WWC2: variants seen among roughly 807,000 people sequenced by gnomAD.
WWC2 encodes the protein protein WWC2.
WWC2 carries 101 observed loss-of-function variants against 138.5 expected under a neutral mutation model. The ratio of observed to expected loss-of-function variants is 0.73; its 90% confidence interval spans 0.62 to 0.86. The LOEUF is 0.86. Among genes scored for constraint, WWC2 ranks in the 40% least tolerant of loss-of-function variants. The pLI, the probability that WWC2 is intolerant of heterozygous loss-of-function variation, is 0.00. For synonymous variants in WWC2, 558 were observed against 538.4 expected, an observed-to-expected ratio of 1.04 and a Z score of -0.50; for missense variants, 1,420 against 1,419.4, an observed-to-expected ratio of 1.00 and a Z score of -0.01.
chr4:183,239,797 A>G (rs779328816), intron 4 of WWC2, among the ~76,000 whole-genome samples: 7 of 152,224 alleles, frequency 4.6e-5, no homozygotes, highest in Non-Finnish European at 1.0e-4. Context: ...AGGAACTGCC[A>G]GGACATCTGA....
intron 1 of WWC2, among the ~76,000 whole-genome samples, chr4:183,104,484 A>G (rs536139882): frequency 6.6e-6 from 1 of 152,244 alleles, no homozygotes; most frequent in Non-Finnish European, 1.5e-5. Flanking sequence ...AATAGTATAA[A>G]TATGAGAATT....
At chr4:183,213,999 G>A (rs1348707829) in intron 4 of WWC2, among the ~76,000 whole-genome samples, 1 of 151,474 alleles carries the variant, frequency 6.6e-6, no homozygotes, top group Admixed American at 6.6e-5. Flanking sequence ...GAAAGTTTTT[G>A]GCTAATTTTT....
chr4:183,127,031 C>T (rs1732781439), intron 1 of WWC2, among the ~76,000 whole-genome samples: 1 of 152,002 alleles, frequency 6.6e-6, no homozygotes, highest in South Asian at 2.1e-4. Flanking sequence ...GCCACCATGC[C>T]TAGCCAGGAA....
chr4:183,181,387 A>G (rs1052615418), intron 1 of WWC2, among the ~76,000 whole-genome samples: 7 of 149,880 alleles, frequency 4.7e-5, no homozygotes, highest in Non-Finnish European at 8.8e-5. Context: ...GAAGTGGAGA[A>G]AAGTAATGAC....
chr4:183,315,325 C>T (rs77252898), intron 22 of WWC2, among the ~76,000 whole-genome samples: 2,818 of 152,184 alleles, frequency 0.019, 96 homozygotes, highest in African/African-American at 0.063. Flanking sequence ...GGATTTTGGG[C>T]CTTTTGAGTC....
intron 1 of WWC2, among the ~76,000 whole-genome samples, chr4:183,137,281 T>A (rs1476788746): frequency 5.3e-5 from 8 of 152,346 alleles, no homozygotes; most frequent in South Asian, 2.1e-4. Context: ...TGACTTTTTT[T>A]AAATAACAGC....
chr4:183,219,399 A>G (rs76677947), intron 4 of WWC2, among the ~76,000 whole-genome samples: 146 of 152,282 alleles, frequency 9.6e-4, no homozygotes, highest in African/African-American at 3.1e-3. Context: ...GCTGTAACAT[A>G]TTAGATGTTA....
At chr4:183,236,337 C>A (rs1266526533) in intron 4 of WWC2, among the ~76,000 whole-genome samples, 1 of 152,040 alleles carries the variant, frequency 6.6e-6, no homozygotes, top group Non-Finnish European at 1.5e-5. Flanking sequence ...AATCGGGCGG[C>A]CCCCAGAATC....
intron 1 of WWC2, among the ~76,000 whole-genome samples, chr4:183,111,698 G>GTT (rs563984525): frequency 2.1e-5 from 3 of 141,088 alleles, no homozygotes; most frequent in Non-Finnish European, 3.1e-5. Flanking sequence ...TTTCTGTTTT[G>GTT]TTTTTTTTTT....
chr4:183,315,432 C>A (rs1245180014), intron 22 of WWC2, among the ~76,000 whole-genome samples: 2 of 152,092 alleles, frequency 1.3e-5, no homozygotes, highest in African/African-American at 2.4e-5. Flanking sequence ...AACTTACGGG[C>A]TTGGTCTGTA....
At chr4:183,152,893 A>T (rs922654177) in intron 1 of WWC2, among the ~76,000 whole-genome samples, 2 of 152,026 alleles carry the variant, frequency 1.3e-5, no homozygotes, top group Admixed American at 6.5e-5. Flanking sequence ...AAAAAAAAAT[A>T]AAAAATAAAT....
intron 4 of WWC2, among the ~76,000 whole-genome samples, chr4:183,234,456 A>G (rs1381067071): frequency 6.6e-6 from 1 of 152,248 alleles, no homozygotes; most frequent in Non-Finnish European, 1.5e-5. Context: ...AGTGGGATAC[A>G]GGAATAATGA....
chr4:183,271,227 G>T lies in WWC2; in HGVS notation c.2548G>T (p.Asp850Tyr). 6.2e-7 allele frequency: 1 copy of T among 1,609,784 alleles called. No homozygotes were observed. Among genetic ancestry groups the T allele is most frequent in the Non-Finnish European group, 8.5e-7 (1 of 1,178,374 alleles). Reference sequence around the variant, plus strand: ...ATTTCAACCAAACCAGCCGTTAGTAGATTCTATAGACTTGGTGAGTCAAAA... The same window carrying T: ...ATTTCAACCAAACCAGCCGTTAGTATATTCTATAGACTTGGTGAGTCAAAA... The part of the protein sequence containing the change: ...SVFQPNQPLV[D>Y]SIDLDAVSAL... The change falls in exon 16 of 23, where the codon GAT becomes TAT. Residue 850 changes from aspartate to tyrosine, a missense_variant. Asp to Tyr is a radical substitution (Grantham distance 160). Transcript: ENST00000403733.
intron 22 of WWC2, among the ~76,000 whole-genome samples, chr4:183,314,036 C>T (rs1042444103): frequency 1.3e-5 from 2 of 151,946 alleles, no homozygotes; most frequent in Admixed American, 6.5e-5. Flanking sequence ...AGCTAGGTCA[C>T]GTGGTGGAGC....
intron 21 of WWC2, among the ~76,000 whole-genome samples, chr4:183,306,455 G>GT (rs150355143): frequency 6.4e-4 from 97 of 152,202 alleles, no homozygotes; most frequent in African/African-American, 2.3e-3. Context: ...GAAAGTGGGA[G>GT]TAGCTATATT....
At position 183,099,351 on chromosome 4, in the gene WWC2, G is replaced by GCCGCGCC. The variant is rs1743078357; in HGVS notation, c.-132_-126dup. 18 of 885,644 alleles carry GCCGCGCC rather than the reference G, an allele frequency of 2.0e-5. No homozygotes were observed. The highest frequency in any genetic ancestry group is 4.6e-4 in the Middle Eastern group (1 of 2,196). 54.9% of individuals were successfully genotyped at this position (885,644 alleles called of 1,614,324 possible). ...TGAGGCACCTCCCGCGCGTGGTTCC[G>GCCGCGCC]CCGCGCCCCGCGCCCTGCGCCCCTC... is the stretch of plus-strand genomic sequence containing the variant. On this transcript the variant is annotated 5_prime_UTR_variant, in exon 1 of 23. Transcript: ENST00000403733.
intron 1 of WWC2, among the ~76,000 whole-genome samples, chr4:183,118,096 C>T (rs1403608895): frequency 6.6e-6 from 1 of 152,180 alleles, no homozygotes; most frequent in Non-Finnish European, 1.5e-5. Flanking sequence ...CTGCGCCTGG[C>T]CGGTTATGGA....
chr4:183,280,884 C>G lies in WWC2; in HGVS notation c.2671C>G (p.Pro891Ala). Residue 891 changes from proline to alanine, a missense_variant, in exon 17 of 23, where the codon CCA (proline) becomes GCA (alanine). By Grantham distance (27) the Pro-to-Ala change is conservative. Coordinates refer to ENST00000403733, the MANE Select transcript of WWC2 (RefSeq NM_024949.6). ...EESGQEEPRG[P>A]DGDWLTMLRE... ...ATCAGGACAAGAAGAGCCAAGGGGC[C>G]CAGATGGAGACTGGTTAAACACTTA... is the stretch of plus-strand genomic sequence containing the variant. The G allele has an allele frequency of 6.4e-7, 1 of 1,568,840 alleles. No homozygotes were observed. The highest frequency in any genetic ancestry group is 8.6e-7 in the Non-Finnish European group (1 of 1,156,338).
At chr4:183,313,638 T>C (rs1282126530) in intron 22 of WWC2, among the ~76,000 whole-genome samples, 1 of 151,820 alleles carries the variant, frequency 6.6e-6, no homozygotes, top group African/African-American at 2.4e-5. Context: ...TCATCTTCAA[T>C]GCATTGGTCT....
Sources: gnomAD v4.1 joint callset for allele counts (sites outside exome capture counted in the v4.1 genomes callset) on GRCh38, gnomAD v4.1.1 for gene constraint, MANE v1.5 for transcripts, NCBI Gene and HGNC (gene_info 2026-07-23, HGNC 2026-07-21) for gene names.